RFX3: variants seen among roughly 807,000 people sequenced by gnomAD.
RFX3 encodes regulatory factor X3, also known as transcription factor RFX3.
RFX3 carries 14 observed loss-of-function variants against 98.6 expected under a neutral mutation model. The ratio of observed to expected loss-of-function variants is 0.14; its 90% CI spans 0.09 to 0.22. RFX3 has a LOEUF of 0.22. Ranked by LOEUF, RFX3 falls within the 10% of genes least tolerant of loss-of-function variation. RFX3 has a pLI of 1.00. For synonymous variants in RFX3, 383 were observed against 328.4 expected, an observed-to-expected ratio of 1.17 and a Z score of -1.80; for missense variants, 639 against 926.9, an observed-to-expected ratio of 0.69 and a Z score of 4.03.
chr9:3,281,683 T>C, intron 7 of RFX3, among the ~76,000 whole-genome samples: 1 of 151,822 alleles, frequency 6.6e-6, no homozygotes. Context: ...CATGCTTTAA[T>C]AGCTGACTGT....
intron 2 of RFX3, among the ~76,000 whole-genome samples, chr9:3,386,815 A>G (rs1255997639): frequency 2.0e-5 from 3 of 152,194 alleles, no homozygotes; most frequent in African/African-American, 7.2e-5. Flanking sequence ...AGACAAGTAC[A>G]TATGTCTCTT....
intron 2 of RFX3, among the ~76,000 whole-genome samples, chr9:3,359,732 A>AT (rs1412437429): frequency 6.6e-6 from 1 of 152,128 alleles, no homozygotes; most frequent in African/African-American, 2.4e-5. Context: ...GGGGATGTGT[A>AT]TTTTTTTAAA....
At position 3,248,102 on chromosome 9, in the gene RFX3, T is replaced by A. The variant is rs1212216051; in HGVS notation, c.1898A>T (p.Tyr633Phe). ...FHLIRLLYDE[Y>F]MFYLVEHRVA... is the part of the protein sequence containing the mutation. ...ACGATGTTCTACTAAGTAAAACATA[T>A]ATTCGTCGTAGAGTAGACGGATCAG... is the stretch of plus-strand genomic sequence containing the variant. Residue 633 changes from tyrosine (Y) to phenylalanine (F), a missense_variant, in exon 15 of 17, where the codon TAT becomes TTT. This residue lies in a region of RFX3 where 138 missense variants were observed against 308.9 expected (regional missense o/e 0.45). Transcript: ENST00000617270. The A allele has an allele frequency of 1.2e-6, 2 of 1,613,890 alleles. No individual in the cohort carries two copies.
rs544234173 is a variant in RFX3, at chr9:3,465,693, G to C, written c.-9+60054C>G. Among the ~76,000 whole-genome samples the C allele has an allele frequency of 1.3e-4, 19 of 151,888 alleles. No homozygotes were observed. The East Asian group carries it at 3.1e-3, about 25-fold the overall frequency. Reference sequence around the variant, plus strand: ...CAAAGCTATTATTCCTATTATACAGGAGTTTACAGTATACAAAGAAGAGAA... The same window carrying C: ...CAAAGCTATTATTCCTATTATACAGCAGTTTACAGTATACAAAGAAGAGAA... On this transcript the variant is annotated intron_variant, in intron 1 of 16. Transcript: ENST00000617270.
Position 3,271,049 on chromosome 9 carries a change from A to G in RFX3, c.1156T>C (p.Tyr386His). Residue 386 changes from tyrosine to histidine, a missense_variant, in exon 10 of 17, where the codon TAT becomes CAT. By Grantham distance (83) the Tyr-to-His change is moderately conservative. Around this residue, in one of 9 missense-constraint regions of RFX3, gnomAD observed 30 missense variants for 23.0 expected, o/e 1.30. Transcript: ENST00000617270. ...CCATCAGTTGGAGTAGAGGGAGAAT[A>G]GCGCCAGAATGTTTGCCACAATTTT... ...IEKLWQTFWR[Y>H]SPSTPTDGTT... 3.1e-6 allele frequency: 5 copies of G among 1,613,898 alleles called. No individual in the cohort carries two copies. The highest frequency in any genetic ancestry group is 1.1e-5 in the South Asian group (1 of 91,086).
At chr9:3,230,807 G>A (rs890533963) in intron 15 of RFX3, among the ~76,000 whole-genome samples, 3 of 152,134 alleles carry the variant, frequency 2.0e-5, no homozygotes, top group Non-Finnish European at 1.5e-5. Context: ...AAAAGTCTCT[G>A]CAAGTTGTTT....
chr9:3,244,546 T>G (rs1820383192), intron 15 of RFX3, among the ~76,000 whole-genome samples: 1 of 152,164 alleles, frequency 6.6e-6, no homozygotes, highest in South Asian at 2.1e-4. Flanking sequence ...TCAGGAAAAC[T>G]TCCCCTTGGC....
chr9:3,219,752 C>G lies in RFX3; in HGVS notation c.*5290G>C, dbSNP rs1197557629. The stretch of plus-strand genomic sequence containing the variant: ...CAAAAGAAGAGAGTTAAATTAAAAC[C>G]CTTTGAGTATTGCATGTTAACACAT... On this transcript the variant is annotated 3_prime_UTR_variant, in exon 17 of 17. Transcript: ENST00000617270. 2 of 151,936 alleles carry G rather than the reference C, an allele frequency of 1.3e-5. No individual in the cohort carries two copies. Among genetic ancestry groups the G allele is most frequent in the Admixed American group, 6.6e-5 (1 of 15,250 alleles). 9.4% of individuals were successfully genotyped at this position (151,936 alleles called of 1,614,324 possible).
At chr9:3,260,847 TTTAAA>T (rs1822785866) in intron 13 of RFX3, among the ~76,000 whole-genome samples, 1 of 150,114 alleles carries the variant, frequency 6.7e-6, no homozygotes, top group African/African-American at 2.4e-5. Flanking sequence ...TATATATAGT[TTTAAA>T]TTAGATATAA....
chr9:3,426,105 T>C (rs1003957662), intron 1 of RFX3, among the ~76,000 whole-genome samples: 5 of 152,198 alleles, frequency 3.3e-5, no homozygotes, highest in African/African-American at 4.8e-5. Flanking sequence ...ACAACTTTTA[T>C]ACCATGTTTA....
chr9:3,499,209 A>C (rs953633474), intron 1 of RFX3, among the ~76,000 whole-genome samples: 6 of 152,134 alleles, frequency 3.9e-5, no homozygotes, highest in Non-Finnish European at 8.8e-5. Flanking sequence ...AATGGATATA[A>C]ATGAACTGAG....
intron 5 of RFX3, among the ~76,000 whole-genome samples, chr9:3,293,484 A>C (rs1827634274): frequency 6.6e-6 from 1 of 152,198 alleles, no homozygotes. Context: ...CCATTTCTTC[A>C]AATATTCAAG....
chr9:3,365,758 C>A (rs1298371442), intron 2 of RFX3, among the ~76,000 whole-genome samples: 1 of 152,062 alleles, frequency 6.6e-6, no homozygotes, highest in African/African-American at 2.4e-5. Flanking sequence ...GCTCACACTT[C>A]CTGCTATTCC....
At chr9:3,433,470 A>C (rs1844840742) in intron 1 of RFX3, among the ~76,000 whole-genome samples, 1 of 152,216 alleles carries the variant, frequency 6.6e-6, no homozygotes, top group South Asian at 2.1e-4. Context: ...TACATAATAC[A>C]GATAACATAG....
intron 1 of RFX3, among the ~76,000 whole-genome samples, chr9:3,448,808 C>G (rs1250604379): frequency 3.9e-5 from 6 of 152,302 alleles, no homozygotes; most frequent in African/African-American, 4.8e-5. Flanking sequence ...GTGTGAGCCA[C>G]TGCACCCAGC....
intron 1 of RFX3, among the ~76,000 whole-genome samples, chr9:3,407,527 A>C (rs1266151191): frequency 6.6e-6 from 1 of 152,158 alleles, no homozygotes; most frequent in Non-Finnish European, 1.5e-5. Flanking sequence ...AATATGCTAT[A>C]TCACCTACTA....
At chr9:3,463,627 TG>T (rs1258107776) in intron 1 of RFX3, among the ~76,000 whole-genome samples, 1 of 152,080 alleles carries the variant, frequency 6.6e-6, no homozygotes, top group Non-Finnish European at 1.5e-5. Context: ...ATCCAGAATA[TG>T]TAAATATATA....
chr9:3,517,871 C>A (rs1818329259), intron 1 of RFX3, among the ~76,000 whole-genome samples: 1 of 152,182 alleles, frequency 6.6e-6, no homozygotes, highest in Admixed American at 6.5e-5. Flanking sequence ...GTAAGAATAA[C>A]CATACAGTCA....
intron 12 of RFX3, among the ~76,000 whole-genome samples, chr9:3,263,764 A>G (rs1189588838): frequency 6.6e-6 from 1 of 152,152 alleles, no homozygotes; most frequent in African/African-American, 2.4e-5. Flanking sequence ...AGGAAGATTG[A>G]TCCGAATGGA....
Sources: allele counts gnomAD v4.1 joint callset (sites outside exome capture counted in the v4.1 genomes callset), GRCh38; gene constraint gnomAD v4.1.1; regional missense constraint gnomAD v4.1.1; transcripts MANE v1.5; gene names NCBI Gene and HGNC (gene_info 2026-07-23, HGNC 2026-07-21).